Variants in GALNT14 observed in about 807,000 individuals in gnomAD.
GALNT14 encodes polypeptide N-acetylgalactosaminyltransferase 14.
GALNT14 carries 60 observed loss-of-function variants against 77.5 expected under a neutral mutation model. That is an observed-to-expected ratio of 0.77 (90% CI 0.63 to 0.96). GALNT14 has a LOEUF of 0.96. Among genes scored for constraint, GALNT14 ranks in the 40% least tolerant of loss-of-function variants. GALNT14 has a pLI of 0.00. For synonymous variants in GALNT14, 280 were observed against 281.7 expected (o/e 0.99, Z 0.06); for missense variants, 710 against 731.0 (o/e 0.97, Z 0.33).
chr2:30,982,822 T>A (rs908661189), intron 2 of GALNT14, among the ~76,000 whole-genome samples: 11 of 152,242 alleles, frequency 7.2e-5, no homozygotes, highest in Non-Finnish European at 4.4e-5. Flanking sequence ...ATAAAAGATT[T>A]CCTTGAGAAA....
chr2:30,944,900 G>A lies in GALNT14; in HGVS notation c.785C>T (p.Pro262Leu), dbSNP rs766434664. The A allele has an allele frequency of 3.1e-6, 5 of 1,611,146 alleles. No homozygotes were observed. Among genetic ancestry groups the A allele is most frequent in the South Asian group, 2.2e-5 (2 of 90,694 alleles). Reference protein sequence around the residue: ...SLHFQWEQLSPEQKARRLDPT... With the variant: ...SLHFQWEQLSLEQKARRLDPT... ...GTCCAGGCGCCGAGCCTTCTGCTCT[G>A]GGGAGAGCTGCTCCCACTGGAAGTG... The change falls in exon 8 of 15, where the codon CCA becomes CTA. Residue 262 changes from proline to leucine, a missense_variant. By Grantham distance (98) the Pro-to-Leu change is moderately conservative (BLOSUM62 -3). Transcript: ENST00000349752.
intron 1 of GALNT14, among the ~76,000 whole-genome samples, chr2:31,089,623 G>A (rs949549480): frequency 2.6e-5 from 4 of 152,130 alleles, no homozygotes; most frequent in Non-Finnish European, 2.9e-5. Context: ...CAATCCTGCC[G>A]TGGACATACT....
At chr2:30,919,275 C>A (rs1196453396) in intron 13 of GALNT14, among the ~76,000 whole-genome samples, 6 of 152,166 alleles carry the variant, frequency 3.9e-5, no homozygotes, top group Non-Finnish European at 5.9e-5. Flanking sequence ...CATCAGTTTT[C>A]TGACATCTTC....
downstream of GALNT14, among the ~76,000 whole-genome samples, chr2:30,907,797 T>G (rs1220893793): frequency 1.3e-5 from 2 of 148,552 alleles, no homozygotes; most frequent in East Asian, 2.0e-4. Flanking sequence ...TGAACATTGA[T>G]GCAAAAATCC....
chr2:30,985,708 C>G (rs963745044), intron 2 of GALNT14, among the ~76,000 whole-genome samples: 1 of 152,148 alleles, frequency 6.6e-6, no homozygotes, highest in Non-Finnish European at 1.5e-5. Context: ...CACTTAGGCC[C>G]ACTATCAACA....
intron 1 of GALNT14, among the ~76,000 whole-genome samples, chr2:31,095,532 A>G (rs1676956862): frequency 6.6e-6 from 1 of 152,098 alleles, no homozygotes; most frequent in African/African-American, 2.4e-5. Flanking sequence ...CCTAAAAAAA[A>G]GTCACTTCCT....
intron 1 of GALNT14, among the ~76,000 whole-genome samples, chr2:31,097,524 C>CAAAA (rs56242365): frequency 7.3e-6 from 1 of 137,294 alleles, no homozygotes. Flanking sequence ...AACAAACAAG[C>CAAAA]AAAAAAAAAA....
intron 3 of GALNT14, among the ~76,000 whole-genome samples, chr2:30,960,783 C>T (rs1667648625): frequency 2.0e-5 from 3 of 152,170 alleles, no homozygotes; most frequent in South Asian, 2.1e-4. Flanking sequence ...GGTCTCCCTC[C>T]CTTGCTCTCA....
chr2:31,029,998 C>T (rs977263931), intron 1 of GALNT14, among the ~76,000 whole-genome samples: 3 of 152,222 alleles, frequency 2.0e-5, no homozygotes, highest in African/African-American at 4.8e-5. Flanking sequence ...TGCGCAGGCA[C>T]AGAACATCAT....
intron 2 of GALNT14, among the ~76,000 whole-genome samples, chr2:30,982,113 C>A (rs1209147830): frequency 6.6e-6 from 1 of 152,094 alleles, no homozygotes; most frequent in Non-Finnish European, 1.5e-5. Context: ...GGTCAAGAAA[C>A]TTAGGAAAAT....
At chr2:31,087,911 T>A (rs1396621307) in intron 1 of GALNT14, among the ~76,000 whole-genome samples, 1 of 152,160 alleles carries the variant, frequency 6.6e-6, no homozygotes, top group Non-Finnish European at 1.5e-5. Context: ...AGTGCCTGTA[T>A]AAAAAGAGAC....
intron 1 of GALNT14, among the ~76,000 whole-genome samples, chr2:31,057,315 AT>A: frequency 7.0e-6 from 1 of 142,994 alleles, no homozygotes; most frequent in Middle Eastern, 3.6e-3. Context: ...ATATATATAT[AT>A]AAAATTATAT....
In GALNT14 at chr2:30,923,999, C is replaced by T. The variant is rs6710958; in HGVS notation, c.1380+120G>A. On this transcript the variant is annotated intron_variant, in intron 13 of 14. Transcript: ENST00000349752. ...GATCACACCTCTCATGCTCCACTAC[C>T]GATCTCTGGGAATAAATGGGCATCT... The T allele has an allele frequency of 6.0e-4, 674 of 1,128,728 alleles. 4 individuals are homozygous for T. The African/African-American group carries it at 8.6e-3, about 14-fold the overall frequency. The allele number at this position is 1,128,728 out of a possible 1,614,324, so 69.9% of individuals were successfully genotyped here.
At chr2:31,057,225 T>G (rs1249147021) in intron 1 of GALNT14, among the ~76,000 whole-genome samples, 2 of 150,202 alleles carry the variant, frequency 1.3e-5, no homozygotes, top group Non-Finnish European at 3.0e-5. Context: ...ATCCCAAACC[T>G]CACCATCACA....
At chr2:30,936,846 T>C in intron 9 of GALNT14, among the ~76,000 whole-genome samples, 1 of 152,226 alleles carries the variant, frequency 6.6e-6, no homozygotes, top group East Asian at 1.9e-4. Flanking sequence ...TGATCTGCAA[T>C]GCCCATACGA....
the GALNT14 span, among the ~76,000 whole-genome samples, chr2:30,905,401 CT>C: frequency 6.6e-6 from 1 of 151,510 alleles, no homozygotes; most frequent in East Asian, 1.9e-4. Context: ...GGCTCGAGAA[CT>C]ACGTGAAGAA....
chr2:31,006,779 A>AG (rs1670700077), intron 1 of GALNT14, among the ~76,000 whole-genome samples: 1 of 152,214 alleles, frequency 6.6e-6, no homozygotes, highest in Admixed American at 6.5e-5. Flanking sequence ...AGACAGTTTC[A>AG]GAGTCAAGTG....
intron 1 of GALNT14, among the ~76,000 whole-genome samples, chr2:31,097,968 T>C (rs11888670): frequency 0.54 from 81,846 of 151,994 alleles, 22,666 homozygotes; most frequent in African/African-American, 0.64. Context: ...TTAATTTCCA[T>C]GATCTGTTCC....
chr2:31,102,514 A>C (rs1000772850), intron 1 of GALNT14, among the ~76,000 whole-genome samples: 6 of 152,044 alleles, frequency 3.9e-5, no homozygotes, highest in African/African-American at 7.2e-5. Context: ...GTAATCAGAG[A>C]ATATTGTATT....
Sources: allele counts gnomAD v4.1 joint callset (sites outside exome capture counted in the v4.1 genomes callset), GRCh38; gene constraint gnomAD v4.1.1; transcripts MANE v1.5; gene names NCBI Gene and HGNC (gene_info 2026-07-23, HGNC 2026-07-21).